Variants in GRID2 observed in about 807,000 individuals in gnomAD.
GRID2 encodes the protein glutamate ionotropic receptor delta type subunit 2, also known as glutamate receptor ionotropic, delta-2.
A neutral mutation model predicts 114.8 loss-of-function variants in GRID2; 33 were observed. The ratio of observed to expected loss-of-function variants is 0.29; its 90% CI spans 0.22 to 0.38. The LOEUF (loss-of-function observed/expected upper bound fraction) is 0.38, where lower values mean the gene tolerates loss of function less well. GRID2 is among the 10% of genes least tolerant of loss of function. The pLI, the probability that GRID2 is intolerant of heterozygous loss-of-function variation, is 1.00. For synonymous variants in GRID2, 505 were observed against 449.9 expected (o/e 1.12, Z -1.55); for missense variants, 1,184 against 1,257.7 (o/e 0.94, Z 0.89).
At chr4:93,082,559 G>A (rs2149319162) in intron 2 of GRID2, among the ~76,000 whole-genome samples, 1 of 152,214 alleles carries the variant, frequency 6.6e-6, no homozygotes, top group African/African-American at 2.4e-5. Context: ...TCAAAATAGT[G>A]TTCCAGGATG....
intron 2 of GRID2, among the ~76,000 whole-genome samples, chr4:92,659,469 T>C (rs935794107): frequency 1.3e-5 from 2 of 151,468 alleles, no homozygotes; most frequent in Non-Finnish European, 3.0e-5. Flanking sequence ...TTTAGAATGT[T>C]TCAGATAGAG....
intron 1 of GRID2, among the ~76,000 whole-genome samples, chr4:92,515,377 TAA>T (rs1479766545): frequency 6.6e-6 from 1 of 151,892 alleles, no homozygotes; most frequent in Non-Finnish European, 1.5e-5. Context: ...ATAGACAACA[TAA>T]AAGACAATAA....
chr4:92,746,863 T>C (rs1349522229), intron 2 of GRID2, among the ~76,000 whole-genome samples: 2 of 152,116 alleles, frequency 1.3e-5, no homozygotes, highest in Non-Finnish European at 2.9e-5. Flanking sequence ...AAGGTAACTT[T>C]TTCCTTTAAC....
chr4:92,944,373 C>T (rs1300840833), intron 2 of GRID2, among the ~76,000 whole-genome samples: 5 of 152,202 alleles, frequency 3.3e-5, no homozygotes, highest in African/African-American at 1.2e-4. Flanking sequence ...CCCTCTGAGC[C>T]AGGTGCTGGA....
At chr4:92,473,371 A>G (rs185355627) in intron 1 of GRID2, among the ~76,000 whole-genome samples, 1 of 152,062 alleles carries the variant, frequency 6.6e-6, no homozygotes, top group Admixed American at 6.6e-5. Context: ...TCTTATAATA[A>G]GGAAAGTTTT....
At chr4:92,506,746 C>T (rs1723992842) in intron 1 of GRID2, among the ~76,000 whole-genome samples, 1 of 151,838 alleles carries the variant, frequency 6.6e-6, no homozygotes, top group African/African-American at 2.4e-5. Context: ...ACAGAGCATT[C>T]AGGTATTCCC....
At chr4:93,022,486 A>G (rs1213945411) in intron 2 of GRID2, among the ~76,000 whole-genome samples, 2 of 151,952 alleles carry the variant, frequency 1.3e-5, no homozygotes, top group Admixed American at 6.6e-5. Flanking sequence ...ACAATGTTGT[A>G]ATGAATGTTT....
chr4:92,431,190 AAAGG>A (rs1408429754), intron 1 of GRID2, among the ~76,000 whole-genome samples: 23 of 152,196 alleles, frequency 1.5e-4, no homozygotes, highest in African/African-American at 4.6e-4. Flanking sequence ...TCCAGATCTT[AAAGG>A]AAGGGCTTTA....
At chr4:92,561,985 G>C (rs1727124002) in intron 1 of GRID2, among the ~76,000 whole-genome samples, 1 of 152,030 alleles carries the variant, frequency 6.6e-6, no homozygotes, top group East Asian at 1.9e-4. Context: ...CTTAAATAGT[G>C]GACTCTCTTT....
chr4:93,050,414 A>C (rs1437827040), intron 2 of GRID2, among the ~76,000 whole-genome samples: 1 of 152,000 alleles, frequency 6.6e-6, no homozygotes, highest in East Asian at 1.9e-4. Flanking sequence ...TAAAATTCAA[A>C]GTGTAATCAG....
intron 2 of GRID2, among the ~76,000 whole-genome samples, chr4:92,776,276 AGTATG>A (rs1172241879): frequency 6.6e-6 from 1 of 152,194 alleles, no homozygotes; most frequent in Non-Finnish European, 1.5e-5. Context: ...AATTAGTCAC[AGTATG>A]ACACACTCCA....
chr4:92,527,226 AC>A (rs1434713750), intron 1 of GRID2, among the ~76,000 whole-genome samples: 1 of 152,104 alleles, frequency 6.6e-6, no homozygotes, highest in Non-Finnish European at 1.5e-5. Flanking sequence ...AGATTTTATA[AC>A]CTCTTACAAT....
intron 14 of GRID2, among the ~76,000 whole-genome samples, chr4:93,740,377 C>A (rs1252102364): frequency 1.3e-5 from 2 of 152,164 alleles, no homozygotes; most frequent in Non-Finnish European, 2.9e-5. Flanking sequence ...CCTCACGTTC[C>A]AATAAGCTAC....
chr4:92,448,556 G>A (rs957547554), intron 1 of GRID2, among the ~76,000 whole-genome samples: 2 of 151,908 alleles, frequency 1.3e-5, no homozygotes, highest in Non-Finnish European at 2.9e-5. Context: ...TAGGAAAATA[G>A]TACACAAGTA....
At chr4:92,655,433 G>A (rs1176901285) in intron 2 of GRID2, among the ~76,000 whole-genome samples, 1 of 151,724 alleles carries the variant, frequency 6.6e-6, no homozygotes, top group Non-Finnish European at 1.5e-5. Context: ...TAACTTTTGT[G>A]TTTTGACAAG....
chr4:93,385,419 C>G lies in GRID2; in HGVS notation c.1246-10188C>G, dbSNP rs115093075. Among the ~76,000 whole-genome samples the G allele has an allele frequency of 5.7e-3, 871 of 152,230 alleles. 8 individuals carry two copies. Among genetic ancestry groups the G allele is most frequent in the African/African-American group, 0.02 (829 of 41,538 alleles). On this transcript the variant is annotated intron_variant, in intron 8 of 15. Transcript: ENST00000282020. ...ATTTATTCCTCATCTTGAAATAAAA[C>G]CTGCATGCCACAAAACTCCTCTATG...
chr4:93,035,263 G>T (rs948996579), intron 2 of GRID2, among the ~76,000 whole-genome samples: 1 of 151,876 alleles, frequency 6.6e-6, no homozygotes, highest in African/African-American at 2.4e-5. Flanking sequence ...GCACTACCAC[G>T]AGCATGCCTG....
intron 13 of GRID2, among the ~76,000 whole-genome samples, chr4:93,597,874 C>A (rs1190853857): frequency 6.6e-6 from 1 of 152,224 alleles, no homozygotes; most frequent in Non-Finnish European, 1.5e-5. Flanking sequence ...CACACTTGAA[C>A]TTCCATCTAC....
At position 92,733,330 on chromosome 4, in the gene GRID2, C is replaced by T. The variant is rs1736423273; in HGVS notation, c.244+143044C>T. The stretch of plus-strand genomic sequence containing the variant: ...ATTAACTGGACCTTTAAAGCTTTTT[C>T]TGTTACCTTTATACTTGGCCTTGGT... On this transcript the variant is annotated intron_variant, in intron 2 of 15. Coordinates refer to ENST00000282020, the MANE Select transcript of GRID2 (RefSeq NM_001510.4). Among the ~76,000 whole-genome samples, 4 of 152,184 alleles carry T rather than the reference C, an allele frequency of 2.6e-5. No individual in the cohort carries two copies. The South Asian group carries it at 8.3e-4, about 32-fold the overall frequency.
Sources: gnomAD v4.1 joint callset for allele counts (sites outside exome capture counted in the v4.1 genomes callset) on GRCh38, gnomAD v4.1.1 for gene constraint, MANE v1.5 for transcripts, NCBI Gene and HGNC (gene_info 2026-07-23, HGNC 2026-07-21) for gene names.